Variants in TSPAN5 observed in about 807,000 individuals in gnomAD.
TSPAN5 encodes the protein tetraspanin-5.
In TSPAN5, 10 loss-of-function variants were observed where a neutral mutation model predicts 37.1. That is an observed-to-expected ratio of 0.27 (90% confidence interval 0.17 to 0.46). The LOEUF (loss-of-function observed/expected upper bound fraction) is 0.46. TSPAN5 is among the 20% of genes least tolerant of loss of function. The probability of loss-of-function intolerance (pLI) is 1.00; values close to 1 mark genes in which losing one functional copy is unlikely to be tolerated. For missense variants in TSPAN5, 195 were observed against 326.6 expected (o/e 0.60, Z 3.11); for synonymous variants, 110 against 118.9 (o/e 0.93, Z 0.48).
chr4:98,582,983 C>G (rs990231967), intron 1 of TSPAN5, among the ~76,000 whole-genome samples: 5 of 152,144 alleles, frequency 3.3e-5, no homozygotes, highest in Non-Finnish European at 7.4e-5. Context: ...TATAAAAGCA[C>G]TGGAGGGAGG....
chr4:98,603,004 T>G (rs1755919261), intron 1 of TSPAN5, among the ~76,000 whole-genome samples: 1 of 152,228 alleles, frequency 6.6e-6, no homozygotes, highest in Non-Finnish European at 1.5e-5. Context: ...GTGTGGGAAG[T>G]TTACTGTATT....
chr4:98,589,815 T>C (rs1442834913), intron 1 of TSPAN5, among the ~76,000 whole-genome samples: 1 of 152,162 alleles, frequency 6.6e-6, no homozygotes, highest in Admixed American at 6.5e-5. Flanking sequence ...ATCGTCTATC[T>C]GGTGTTGCAG....
intron 1 of TSPAN5, among the ~76,000 whole-genome samples, chr4:98,539,896 A>G (rs926771987): frequency 6.6e-6 from 1 of 152,094 alleles, no homozygotes; most frequent in Non-Finnish European, 1.5e-5. Context: ...CTCTCTCATC[A>G]ACATGGCTCT....
chr4:98,482,331 A>G lies in TSPAN5; in HGVS notation c.280-156T>C, dbSNP rs1265155436. 5 of 613,730 alleles carry G rather than the reference A, an allele frequency of 8.1e-6. No homozygotes were observed. The Admixed American group carries it at 1.7e-4, about 21-fold the overall frequency. 38.0% of individuals were successfully genotyped at this position (613,730 alleles called of 1,614,324 possible). On this transcript the variant is annotated intron_variant, in intron 3 of 7. Transcript: ENST00000305798. ...CAGTTTCTGCTGATTCATTAATAGA[A>G]TATTACACTCCAAGAAAGGACTTTT...
intron 1 of TSPAN5, among the ~76,000 whole-genome samples, chr4:98,554,477 A>C (rs1228769353): frequency 6.6e-6 from 1 of 152,220 alleles, no homozygotes. Flanking sequence ...CTAACGCGCT[A>C]ATCATACTCA....
chr4:98,633,210 A>G (rs1392415296), intron 1 of TSPAN5, among the ~76,000 whole-genome samples: 1 of 152,236 alleles, frequency 6.6e-6, no homozygotes, highest in African/African-American at 2.4e-5. Flanking sequence ...AAAATGCCTT[A>G]GGGTGGCCTT....
chr4:98,616,427 C>T (rs560038588), intron 1 of TSPAN5, among the ~76,000 whole-genome samples: 8 of 152,164 alleles, frequency 5.3e-5, no homozygotes, highest in African/African-American at 1.9e-4. Context: ...ATTTCAGCAT[C>T]GAACAGGTCA....
chr4:98,592,428 GTTTTTTTTT>G (rs35941064), intron 1 of TSPAN5, among the ~76,000 whole-genome samples: 1 of 119,104 alleles, frequency 8.4e-6, no homozygotes, highest in Non-Finnish European at 1.7e-5. Flanking sequence ...TCTGTTTTTT[GTTTTTTTTT>G]TTTTTTTTTT....
At chr4:98,604,496 G>C (rs963242185) in intron 1 of TSPAN5, among the ~76,000 whole-genome samples, 2 of 152,184 alleles carry the variant, frequency 1.3e-5, no homozygotes, top group African/African-American at 4.8e-5. Flanking sequence ...TTATAAAACA[G>C]CTAACATGAC....
intron 1 of TSPAN5, among the ~76,000 whole-genome samples, chr4:98,589,160 G>T (rs1755565450): frequency 6.6e-6 from 1 of 152,152 alleles, no homozygotes; most frequent in Non-Finnish European, 1.5e-5. Context: ...ATTAGTACAT[G>T]CTGGAAACAA....
At chr4:98,545,795 G>C (rs1754456216) in intron 1 of TSPAN5, among the ~76,000 whole-genome samples, 1 of 152,138 alleles carries the variant, frequency 6.6e-6, no homozygotes, top group South Asian at 2.1e-4. Flanking sequence ...ACCTCCCAAA[G>C]TGCTGGGATT....
At chr4:98,509,552 C>T (rs1414083200) in intron 1 of TSPAN5, among the ~76,000 whole-genome samples, 6 of 152,166 alleles carry the variant, frequency 3.9e-5, no homozygotes, top group African/African-American at 1.4e-4. Context: ...AAATCATGTC[C>T]TTGATTTGGC....
chr4:98,618,910 G>C (rs1217214732), intron 1 of TSPAN5, among the ~76,000 whole-genome samples: 1 of 152,198 alleles, frequency 6.6e-6, no homozygotes, highest in Non-Finnish European at 1.5e-5. Context: ...GGGGACAAGT[G>C]AATCGTGTGC....
In TSPAN5 at chr4:98,608,699, A is replaced by AG. The variant is rs562331623; in HGVS notation, c.81+49446dup. Among the ~76,000 whole-genome samples the AG allele has an allele frequency of 9.4e-4, 143 of 152,302 alleles. 1 individual carries two copies. In the South Asian group the frequency reaches 0.029, roughly 30 times the overall value. The stretch of plus-strand genomic sequence containing the variant: ...AAATCCACAACATGTTGCCACTGTT[A>AG]GGGGGGAAATAGACTATGTAAACGC... On this transcript the variant is annotated intron_variant, in intron 1 of 7. Transcript: ENST00000305798.
intron 1 of TSPAN5, among the ~76,000 whole-genome samples, chr4:98,638,784 A>G (rs182790246): frequency 3.1e-4 from 47 of 152,306 alleles, no homozygotes; most frequent in African/African-American, 1.1e-3. Context: ...AGAAGACATG[A>G]GATTCCCGGG....
chr4:98,609,270 T>TA (rs1560557810), intron 1 of TSPAN5, among the ~76,000 whole-genome samples: 1 of 151,974 alleles, frequency 6.6e-6, no homozygotes, highest in African/African-American at 2.4e-5. Flanking sequence ...TCGGATTTGC[T>TA]GGGGGTGAGC....
At chr4:98,550,968 G>T (rs1408056784) in intron 1 of TSPAN5, among the ~76,000 whole-genome samples, 3 of 152,134 alleles carry the variant, frequency 2.0e-5, no homozygotes, top group African/African-American at 7.2e-5. Context: ...TTCTTAAGGG[G>T]AATGTTTTCA....
Position 98,472,454 on chromosome 4 carries a change from G to C in TSPAN5, c.*68C>G. ...TTAGGTCCATGCAGCTCGAAGATCAGTTCGGCACGCGGGAGGGTCCCGAAA... is the reference window on the plus strand; with the variant it reads ...TTAGGTCCATGCAGCTCGAAGATCACTTCGGCACGCGGGAGGGTCCCGAAA... On this transcript the variant is annotated 3_prime_UTR_variant, in exon 8 of 8. Transcript: ENST00000305798. 1 of 1,442,640 alleles carries C rather than the reference G, an allele frequency of 6.9e-7. No individual in the cohort carries two copies. The highest frequency in any genetic ancestry group is 9.7e-7 in the Non-Finnish European group (1 of 1,029,690). The allele number at this position is 1,442,640 out of a possible 1,614,324, so 89.4% of individuals were successfully genotyped here.
At chr4:98,546,226 C>T (rs141876341) in intron 1 of TSPAN5, among the ~76,000 whole-genome samples, 1 of 152,198 alleles carries the variant, frequency 6.6e-6, no homozygotes, top group Non-Finnish European at 1.5e-5. Context: ...CTAGAACATT[C>T]GCTCTTAAAT....
Sources: gnomAD v4.1 joint callset for allele counts (sites outside exome capture counted in the v4.1 genomes callset) on GRCh38, gnomAD v4.1.1 for gene constraint, MANE v1.5 for transcripts, NCBI Gene and HGNC (gene_info 2026-07-23, HGNC 2026-07-21) for gene names.